MTMR1: variants seen among roughly 807,000 people sequenced by gnomAD.
MTMR1 encodes the protein phosphatidylinositol-3-phosphate phosphatase MTMR1.
A neutral mutation model predicts 51.6 loss-of-function variants in MTMR1; 17 were observed. That is an observed-to-expected ratio of 0.33 (90% CI 0.23 to 0.49). The LOEUF is 0.49. Among genes scored for constraint, MTMR1 ranks in the 20% least tolerant of loss-of-function variants. MTMR1 has a pLI of 0.99. For missense variants in MTMR1, 386 were observed against 526.9 expected, an observed-to-expected ratio of 0.73 and a Z score of 2.62; for synonymous variants, 201 against 205.6, an observed-to-expected ratio of 0.98 and a Z score of 0.19.
chrX:150,754,246 A>G (rs142072775), intron 14 of MTMR1, among the ~76,000 whole-genome samples: 4 of 113,167 alleles, frequency 3.5e-5, no homozygotes, highest in Non-Finnish European at 7.5e-5. Flanking sequence ...AGTTTTGAAA[A>G]TGGGAAGTAT....
At chrX:150,739,328 C>T (rs1229712262) in intron 12 of MTMR1, among the ~76,000 whole-genome samples, 2 of 112,523 alleles carry the variant, frequency 1.8e-5, no homozygotes, top group African/African-American at 6.5e-5. Flanking sequence ...GTGTTTGGCC[C>T]ATGCTAAGTG....
At chrX:150,725,809 C>T (rs1185572953) in intron 4 of MTMR1, among the ~76,000 whole-genome samples, 1 of 111,748 alleles carries the variant, frequency 8.9e-6, no homozygotes, top group African/African-American at 3.3e-5. Flanking sequence ...CCAATCCACT[C>T]CCTGCCAACT....
rs113098280 is a variant in MTMR1 at position 150,763,192 on chromosome X, G to A, written c.*463G>A. The A allele has an allele frequency of 0.015, 1,828 of 118,689 alleles. 47 individuals are homozygous for A. Among genetic ancestry groups the A allele is most frequent in the African/African-American group, 0.055 (1,726 of 31,124 alleles). 9.8% of individuals were successfully genotyped at this position (118,689 alleles called of 1,213,427 possible). On this transcript the variant is annotated 3_prime_UTR_variant, in exon 16 of 16. Transcript: ENST00000445323. The stretch of plus-strand genomic sequence containing the variant: ...CTGTTCCACAGTTTTCTTCATGCAC[G>A]GGGTCCTCCTGTTAACAATTACTGT...
At chrX:150,746,546 A>T (rs782323330) in intron 13 of MTMR1, among the ~76,000 whole-genome samples, 3 of 112,752 alleles carry the variant, frequency 2.7e-5, no homozygotes, top group Admixed American at 9.4e-5. Flanking sequence ...AAAATTGCAT[A>T]AAAAGGTTGA....
intron 4 of MTMR1, among the ~76,000 whole-genome samples, chrX:150,726,949 T>G (rs1603252522): frequency 8.9e-6 from 1 of 111,968 alleles, no homozygotes; most frequent in East Asian, 2.8e-4. Flanking sequence ...GTTAACTACC[T>G]AGGAAAAATG....
At chrX:150,760,332 G>A (rs190473151) in intron 15 of MTMR1, among the ~76,000 whole-genome samples, 1,200 of 98,447 alleles carry the variant, frequency 0.012, 29 homozygotes, top group African/African-American at 0.038. Flanking sequence ...GGGAGTGCAG[G>A]GGGGTAAACG....
intron 15 of MTMR1, among the ~76,000 whole-genome samples, chrX:150,761,590 C>T (rs2043133321): frequency 8.9e-6 from 1 of 112,891 alleles, no homozygotes; most frequent in Non-Finnish European, 1.9e-5. Context: ...TGGCCAGTCA[C>T]ATGGCCTGGC....
At chrX:150,698,680 GCACACA>G (rs1214335904) in intron 1 of MTMR1, among the ~76,000 whole-genome samples, 52 of 62,957 alleles carry the variant, frequency 8.3e-4, no homozygotes, top group Middle Eastern at 9.3e-3. Context: ...ACACGCGCGC[GCACACA>G]CACACACACA....
intron 2 of MTMR1, among the ~76,000 whole-genome samples, chrX:150,704,216 A>G (rs1390398155): frequency 9.0e-6 from 1 of 111,468 alleles, no homozygotes; most frequent in African/African-American, 3.3e-5. Context: ...TGCTGAAGAA[A>G]CCAGTGAGTC....
At chrX:150,760,016 G>T (rs1260552598) in intron 15 of MTMR1, among the ~76,000 whole-genome samples, 1 of 109,560 alleles carries the variant, frequency 9.1e-6, no homozygotes, top group Non-Finnish European at 1.9e-5. Flanking sequence ...ACCTCACAGG[G>T]GGTTGCTGAG....
chrX:150,761,707 C>T lies in MTMR1; in HGVS notation c.1858-858C>T, dbSNP rs782440512. Among the ~76,000 whole-genome samples, 6 of 112,185 alleles carry T rather than the reference C, an allele frequency of 5.3e-5. No homozygotes were observed. In the Admixed American group the frequency reaches 5.6e-4, roughly 10 times the overall value. On this transcript the variant is annotated intron_variant, in intron 15 of 15. Transcript: ENST00000445323. ...CACCCTGTTTCTCCCTCAGCCCAGT[C>T]GGTGACCCCTCACTCTGGTCAGCCT...
At chrX:150,693,354 C>G, upstream of MTMR1, 1 of 606,648 alleles carries the variant, frequency 1.6e-6, no homozygotes. Context: ...GCCCCCCGAC[C>G]CCCGCGCGCG....
chrX:150,728,172 A>C (rs1384080588), intron 6 of MTMR1, among the ~76,000 whole-genome samples: 2 of 112,332 alleles, frequency 1.8e-5, no homozygotes, highest in Non-Finnish European at 3.8e-5. Flanking sequence ...AATACAGTGT[A>C]AACACTATGT....
At chrX:150,752,421 T>C (rs2042771038) in intron 14 of MTMR1, among the ~76,000 whole-genome samples, 1 of 111,259 alleles carries the variant, frequency 9.0e-6, no homozygotes, top group Admixed American at 9.6e-5. Context: ...TCTCCCCTGC[T>C]TCCCACTGCA....
intron 12 of MTMR1, among the ~76,000 whole-genome samples, chrX:150,740,916 C>G (rs1173738253): frequency 1.8e-5 from 2 of 110,519 alleles, no homozygotes; most frequent in African/African-American, 6.6e-5. Flanking sequence ...AGAGAACTCA[C>G]TCACACACTC....
chrX:150,732,227 T>C (rs1401771433), intron 9 of MTMR1, among the ~76,000 whole-genome samples: 1 of 112,178 alleles, frequency 8.9e-6, no homozygotes, highest in African/African-American at 3.2e-5. Flanking sequence ...GGAGACAAGG[T>C]AAAATTAGTC....
intron 1 of MTMR1, among the ~76,000 whole-genome samples, chrX:150,693,889 G>A (rs1269775326): frequency 9.4e-6 from 1 of 106,917 alleles, no homozygotes; most frequent in Non-Finnish European, 1.9e-5. Context: ...GCTGCGGGCC[G>A]CGCACCTGGC....
At chrX:150,713,094 T>A in intron 3 of MTMR1, 1 of 355,278 alleles carries the variant, frequency 2.8e-6, no homozygotes, top group Non-Finnish European at 4.0e-6. Context: ...GCCAATGAAG[T>A]AGTACAAAAA....
At position 150,718,611 on chromosome X, in the gene MTMR1, T is replaced by TCCAGGC; in HGVS notation, c.277-14_277-13insCCAGGC. 1.6e-6 allele frequency: 1 copy of TCCAGGC among 616,894 alleles called. No homozygotes were observed. Among genetic ancestry groups the TCCAGGC allele is most frequent in the Non-Finnish European group, 2.2e-6 (1 of 454,914 alleles). The allele number at this position is 616,894 out of a possible 1,213,427, so 50.8% of individuals were successfully genotyped here. Reference sequence around the variant, plus strand: ...TTTTTTTTTTTTTTTTTTTTTTTTTTTTTTTTTTGCCAGGCTCTAAGGGAT... The same window carrying TCCAGGC: ...TTTTTTTTTTTTTTTTTTTTTTTTTTCCAGGCTTTTTTTTGCCAGGCTCTAAGGGAT... On this transcript the variant is annotated splice_polypyrimidine_tract_variant and intron_variant, in intron 3 of 15. Coordinates refer to ENST00000445323, the MANE Select transcript of MTMR1 (RefSeq NM_001306144.3).
Sources: gnomAD v4.1 joint callset for allele counts (sites outside exome capture counted in the v4.1 genomes callset) on GRCh38, gnomAD v4.1.1 for gene constraint, MANE v1.5 for transcripts, NCBI Gene and HGNC (gene_info 2026-07-23, HGNC 2026-07-21) for gene names.